SLC8A1: variants seen among roughly 807,000 people sequenced by gnomAD.
The protein encoded by SLC8A1 is sodium/calcium exchanger 1.
A neutral mutation model predicts 68.3 loss-of-function variants in SLC8A1; 18 were observed. That is an observed-to-expected ratio of 0.26 (90% CI 0.18 to 0.39). The LOEUF is 0.39. Ranked by LOEUF, SLC8A1 falls within the 10% of genes least tolerant of loss-of-function variation. The pLI is 1.00. For synonymous variants in SLC8A1, 475 were observed against 415.5 expected (o/e 1.14, Z -1.74); for missense variants, 985 against 1,156.7 (o/e 0.85, Z 2.15).
chr2:40,108,269 T>A (rs1406161645), exon 8 of SLC8A1: 1 of 148,740 alleles, frequency 6.7e-6, no homozygotes, highest in Non-Finnish European at 1.5e-5. Flanking sequence ...CTCAATAATT[T>A]GGAAACGTGT....
At chr2:40,363,275 C>T (rs1675125514) in intron 2 of SLC8A1, among the ~76,000 whole-genome samples, 1 of 151,964 alleles carries the variant, frequency 6.6e-6, no homozygotes. Context: ...TAAGAAACAA[C>T]TGATAATAAA....
At chr2:40,509,599 T>C (rs1706582248) in intron 1 of SLC8A1, among the ~76,000 whole-genome samples, 1 of 151,966 alleles carries the variant, frequency 6.6e-6, no homozygotes, top group Non-Finnish European at 1.5e-5. Context: ...GAAATACTCT[T>C]CCCCATCGAA....
chr2:40,439,942 G>A (rs76836355), intron 1 of SLC8A1, among the ~76,000 whole-genome samples: 2 of 152,228 alleles, frequency 1.3e-5, no homozygotes, highest in African/African-American at 2.4e-5. Context: ...CTAACACCAA[G>A]TGTCTATTTA....
chr2:40,503,246 A>G (rs1288186008), intron 1 of SLC8A1, among the ~76,000 whole-genome samples: 2 of 151,992 alleles, frequency 1.3e-5, no homozygotes, highest in Non-Finnish European at 2.9e-5. Context: ...GACTTTGCAT[A>G]TGCTGCTCCC....
At chr2:40,257,359 C>T (rs547327665) in intron 2 of SLC8A1, among the ~76,000 whole-genome samples, 1 of 149,770 alleles carries the variant, frequency 6.7e-6, no homozygotes, top group Admixed American at 6.8e-5. Context: ...CAGAGGAAAC[C>T]GAAGACATGA....
At chr2:40,438,427 G>C (rs1009761436) in intron 1 of SLC8A1, among the ~76,000 whole-genome samples, 2 of 152,152 alleles carry the variant, frequency 1.3e-5, no homozygotes, top group African/African-American at 4.8e-5. Flanking sequence ...TAGAGGCAAT[G>C]AACCCTTCAT....
At chr2:40,139,288 C>G in intron 7 of SLC8A1, 113 bp downstream of exon 10, 1 of 1,214,264 alleles carries the variant, frequency 8.2e-7, no homozygotes, top group Non-Finnish European at 1.2e-6. Flanking sequence ...GGGCTCTCGT[C>G]TTTCATAGGT....
At chr2:40,286,790 A>G (rs1290158564) in intron 2 of SLC8A1, among the ~76,000 whole-genome samples, 1 of 152,198 alleles carries the variant, frequency 6.6e-6, no homozygotes, top group Non-Finnish European at 1.5e-5. Flanking sequence ...GGAGCAATTG[A>G]TAATACCAGT....
chr2:40,477,750 T>C (rs1464923600), intron 1 of SLC8A1, among the ~76,000 whole-genome samples: 1 of 152,168 alleles, frequency 6.6e-6, no homozygotes, highest in Non-Finnish European at 1.5e-5. Flanking sequence ...GTAGTGTGTA[T>C]GTGTGTGTGC....
chr2:40,349,109 C>G (rs1043493021), intron 2 of SLC8A1, among the ~76,000 whole-genome samples: 1 of 152,070 alleles, frequency 6.6e-6, no homozygotes, highest in Admixed American at 6.6e-5. Context: ...CAGGGGCTAA[C>G]AGGGAAAGAA....
chr2:40,138,091 A>AT (rs976247696), intron 7 of SLC8A1, among the ~76,000 whole-genome samples: 2 of 152,086 alleles, frequency 1.3e-5, no homozygotes, highest in African/African-American at 4.8e-5. Flanking sequence ...ATTTGCAGGT[A>AT]TTTTTTTCCA....
At chr2:40,369,129 C>T (rs1677178565) in intron 2 of SLC8A1, among the ~76,000 whole-genome samples, 1 of 151,882 alleles carries the variant, frequency 6.6e-6, no homozygotes. Flanking sequence ...CAGGCTGGGG[C>T]AAAGATATAA....
At chr2:40,192,202 T>G (rs1045015540) in intron 2 of SLC8A1, among the ~76,000 whole-genome samples, 9 of 152,120 alleles carry the variant, frequency 5.9e-5, no homozygotes, top group African/African-American at 2.2e-4. Context: ...ATTTCTTGAT[T>G]CCAACAATCT....
intron 2 of SLC8A1, among the ~76,000 whole-genome samples, chr2:40,211,871 G>C (rs183226204): frequency 1.3e-5 from 2 of 152,150 alleles, no homozygotes; most frequent in Non-Finnish European, 2.9e-5. Flanking sequence ...GATGTGAACA[G>C]TGAAGTGATG....
upstream of SLC8A1, among the ~76,000 whole-genome samples, chr2:40,456,076 G>A (rs1264536245): frequency 3.3e-5 from 5 of 152,142 alleles, no homozygotes; most frequent in Non-Finnish European, 7.3e-5. Flanking sequence ...CAGCACTTTG[G>A]GAGGTTGAGG....
intron 2 of SLC8A1, among the ~76,000 whole-genome samples, chr2:40,291,683 C>G (rs2069352384): frequency 6.6e-6 from 1 of 152,252 alleles, no homozygotes; most frequent in Non-Finnish European, 1.5e-5. Context: ...TCTGAAAGAA[C>G]CACATGATCT....
intron 2 of SLC8A1, among the ~76,000 whole-genome samples, chr2:40,406,714 G>A (rs1388401066): frequency 6.6e-6 from 1 of 152,136 alleles, no homozygotes; most frequent in Non-Finnish European, 1.5e-5. Flanking sequence ...CATGGAGGAA[G>A]CAACATGGTC....
chr2:40,384,689 T>C (rs752983367), intron 2 of SLC8A1, among the ~76,000 whole-genome samples: 1 of 152,022 alleles, frequency 6.6e-6, no homozygotes, highest in Non-Finnish European at 1.5e-5. Flanking sequence ...ATCAGGGAGG[T>C]TTTGTTAAAA....
chr2:40,210,702 G>A (rs941606508), intron 2 of SLC8A1, among the ~76,000 whole-genome samples: 2 of 152,126 alleles, frequency 1.3e-5, no homozygotes, highest in Non-Finnish European at 2.9e-5. Flanking sequence ...TGAATGCTGA[G>A]TAATTGAAGC....
Sources: allele counts gnomAD v4.1 joint callset (sites outside exome capture counted in the v4.1 genomes callset), GRCh38; gene constraint gnomAD v4.1.1; transcripts MANE v1.5; gene names NCBI Gene and HGNC (gene_info 2026-07-23, HGNC 2026-07-21).